ROR1: variants seen among roughly 807,000 people sequenced by gnomAD.
ROR1 encodes the protein ROR family WNT receptor 1.
ROR1 carries 19 observed loss-of-function variants against 78.8 expected under a neutral mutation model. That is an observed-to-expected ratio of 0.24 (90% CI 0.17 to 0.35). The LOEUF is 0.35. Ranked by LOEUF, ROR1 falls within the 10% of genes least tolerant of loss-of-function variation. The probability of loss-of-function intolerance (pLI) is 1.00; values close to 1 mark genes in which losing one functional copy is unlikely to be tolerated. For synonymous variants in ROR1, 386 were observed against 433.6 expected (o/e 0.89, Z 1.36); for missense variants, 917 against 1,177.8 (o/e 0.78, Z 3.24).
chr1:64,019,909 G>A (rs1247373063), intron 2 of ROR1, among the ~76,000 whole-genome samples: 2 of 152,104 alleles, frequency 1.3e-5, no homozygotes, highest in South Asian at 2.1e-4. Flanking sequence ...GAGATTATCC[G>A]TCATTATCCC....
chr1:64,138,342 A>G (rs142242037), intron 5 of ROR1, among the ~76,000 whole-genome samples: 1 of 152,330 alleles, frequency 6.6e-6, no homozygotes, highest in African/African-American at 2.4e-5. Context: ...ATTTTTTAGT[A>G]TAAGTATGTC....
chr1:64,048,042 A>G (rs1646798045), intron 2 of ROR1, among the ~76,000 whole-genome samples: 1 of 152,114 alleles, frequency 6.6e-6, no homozygotes, highest in Non-Finnish European at 1.5e-5. Context: ...ATTTGGGGGG[A>G]CGGAAATTAA....
At chr1:64,086,880 C>A (rs1310797867) in intron 4 of ROR1, among the ~76,000 whole-genome samples, 1 of 152,122 alleles carries the variant, frequency 6.6e-6, no homozygotes, top group Non-Finnish European at 1.5e-5. Flanking sequence ...AACTATAAGA[C>A]CCATTTTACA....
At chr1:63,843,494 G>A (rs992583070) in intron 1 of ROR1, 1 of 760,108 alleles carries the variant, frequency 1.3e-6, no homozygotes, top group South Asian at 1.3e-5. Flanking sequence ...TGTAGGGGTC[G>A]TCGATGGTCT....
At chr1:63,831,153 A>G (rs1644985788) in intron 1 of ROR1, among the ~76,000 whole-genome samples, 1 of 152,138 alleles carries the variant, frequency 6.6e-6, no homozygotes, top group Non-Finnish European at 1.5e-5. Context: ...GAGTGCCTGC[A>G]CCTTTTCCAG....
At chr1:64,022,218 G>T (rs1463659870) in intron 2 of ROR1, among the ~76,000 whole-genome samples, 1 of 152,198 alleles carries the variant, frequency 6.6e-6, no homozygotes, top group Non-Finnish European at 1.5e-5. Flanking sequence ...AAGTTGAATT[G>T]GTTGCCAGGG....
intron 6 of ROR1, among the ~76,000 whole-genome samples, chr1:64,142,002 A>T (rs1381737794): frequency 6.6e-6 from 1 of 152,178 alleles, no homozygotes; most frequent in Non-Finnish European, 1.5e-5. Context: ...TACCAACTAG[A>T]TTCCTTATTA....
intron 1 of ROR1, among the ~76,000 whole-genome samples, chr1:63,936,736 T>C (rs1362731004): frequency 6.6e-6 from 1 of 152,202 alleles, no homozygotes. Context: ...GATGTTACCC[T>C]TCTGAGCACT....
chr1:63,791,543 C>T (rs2100238610), intron 1 of ROR1, among the ~76,000 whole-genome samples: 1 of 152,212 alleles, frequency 6.6e-6, no homozygotes, highest in East Asian at 1.9e-4. Flanking sequence ...AGCCAGTTCC[C>T]ACCATCCCCT....
intron 4 of ROR1, among the ~76,000 whole-genome samples, chr1:64,052,816 T>G (rs1646843907): frequency 6.6e-6 from 1 of 152,280 alleles, no homozygotes; most frequent in South Asian, 2.1e-4. Context: ...CTCCATTCTG[T>G]TTTTGGCATT....
intron 1 of ROR1, among the ~76,000 whole-genome samples, chr1:63,787,198 C>G (rs992533052): frequency 1.3e-5 from 2 of 152,156 alleles, no homozygotes; most frequent in Non-Finnish European, 2.9e-5. Context: ...GCATCCACAT[C>G]CAGGAAGGCA....
chr1:64,045,344 C>A (rs950748899), intron 2 of ROR1, among the ~76,000 whole-genome samples: 4 of 151,836 alleles, frequency 2.6e-5, no homozygotes, highest in Non-Finnish European at 1.5e-5. Context: ...AAAAAAAATG[C>A]CACTTTTCTC....
At chr1:64,145,398 AT>A (rs1341684986) in intron 7 of ROR1, among the ~76,000 whole-genome samples, 1 of 152,214 alleles carries the variant, frequency 6.6e-6, no homozygotes, top group Non-Finnish European at 1.5e-5. Context: ...TTATTCTATA[AT>A]TTTGTTCCTA....
rs1450831443 is a variant in ROR1 at position 64,112,722 on chromosome 1, C to T, written c.483-24647C>T. On this transcript the variant is annotated intron_variant, in intron 4 of 8. Coordinates refer to ENST00000371079, the MANE Select transcript of ROR1 (RefSeq NM_005012.4). ...TGTGGATTCCCCCACAAGTTTCTGT[C>T]CCTGCCCTTCCTCCTTCCCTCACCA... Among the ~76,000 whole-genome samples, 3 of 152,156 alleles carry T rather than the reference C, an allele frequency of 2.0e-5. No homozygotes were observed. In the East Asian group the frequency reaches 5.8e-4, roughly 29 times the overall value.
intron 2 of ROR1, among the ~76,000 whole-genome samples, chr1:64,027,431 AT>A (rs1314201923): frequency 6.6e-6 from 1 of 152,028 alleles, no homozygotes; most frequent in African/African-American, 2.4e-5. Context: ...TTATTAACTT[AT>A]TGTTGACTTT....
At chr1:64,122,661 G>A (rs1648582778) in intron 4 of ROR1, among the ~76,000 whole-genome samples, 1 of 152,162 alleles carries the variant, frequency 6.6e-6, no homozygotes, top group Non-Finnish European at 1.5e-5. Context: ...AACTGGAGAA[G>A]GTGCTTAAAG....
chr1:64,062,734 T>A (rs907251419), intron 4 of ROR1, among the ~76,000 whole-genome samples: 1 of 152,230 alleles, frequency 6.6e-6, no homozygotes, highest in South Asian at 2.1e-4. Flanking sequence ...TATTGATTCA[T>A]CACGTCTTGT....
chr1:63,805,512 TGCATCAACTGGAGTG>T (rs1644823264), intron 1 of ROR1, among the ~76,000 whole-genome samples: 4 of 152,234 alleles, frequency 2.6e-5, no homozygotes, highest in African/African-American at 9.7e-5. Context: ...TTGCTCCTAA[TGCATCAACTGGAGTG>T]AAACTAGCCA....
chr1:63,832,168 T>C (rs1644992603), intron 1 of ROR1, among the ~76,000 whole-genome samples: 1 of 152,196 alleles, frequency 6.6e-6, no homozygotes, highest in South Asian at 2.1e-4. Context: ...AACAAGTCTC[T>C]AGGAAGTTCC....
Sources: gnomAD v4.1 joint callset for allele counts (sites outside exome capture counted in the v4.1 genomes callset) on GRCh38, gnomAD v4.1.1 for gene constraint, MANE v1.5 for transcripts, NCBI Gene and HGNC (gene_info 2026-07-23, HGNC 2026-07-21) for gene names.